Variants in NSD2 observed in about 807,000 individuals in gnomAD.
NSD2 encodes the protein histone-lysine N-methyltransferase NSD2.
NSD2 carries 12 observed loss-of-function variants against 139.0 expected under a neutral mutation model. The observed-to-expected ratio is 0.09, with a 90% CI of 0.06 to 0.14. The LOEUF is 0.14. Ranked by LOEUF, NSD2 falls within the 10% of genes least tolerant of loss-of-function variation. The probability of loss-of-function intolerance (pLI) is 1.00; values close to 1 mark genes in which losing one functional copy is unlikely to be tolerated. For synonymous variants in NSD2, 669 were observed against 648.7 expected, an observed-to-expected ratio of 1.03 and a Z score of -0.48; for missense variants, 1,155 against 1,745.0, an observed-to-expected ratio of 0.66 and a Z score of 6.02.
At chr4:1,947,015 G>GGT (rs760850638) in intron 9 of NSD2, 10 of 1,063,734 alleles carry the variant, frequency 9.4e-6, no homozygotes, top group East Asian at 5.0e-5. Flanking sequence ...AAATGACTGA[G>GGT]GTAGGGGTGG....
At chr4:1,915,595 C>T (rs895942968) in intron 3 of NSD2, among the ~76,000 whole-genome samples, 9 of 152,126 alleles carry the variant, frequency 5.9e-5, no homozygotes, top group Non-Finnish European at 1.0e-4. Flanking sequence ...CTGGATGCTT[C>T]CCTGGGTCCA....
intron 5 of NSD2, among the ~76,000 whole-genome samples, chr4:1,924,759 A>AG (rs1553869003): frequency 6.6e-6 from 1 of 151,602 alleles, no homozygotes; most frequent in Non-Finnish European, 1.5e-5. Context: ...AAAAAAAAAA[A>AG]CAAAACAAAA....
At chr4:1,875,970 C>A (rs1020265091) in intron 1 of NSD2, among the ~76,000 whole-genome samples, 19 of 151,688 alleles carry the variant, frequency 1.3e-4, no homozygotes, top group African/African-American at 4.6e-4. Flanking sequence ...AATCCCAGCA[C>A]TTTGGGAGGC....
chr4:1,944,134 G>A, intron 9 of NSD2: 2 of 1,066,312 alleles, frequency 1.9e-6, no homozygotes, highest in African/African-American at 1.6e-5. Context: ...GTGGGCAGGG[G>A]CAAGTGAACT....
Position 1,981,606 on chromosome 4 carries a change from A to G in NSD2, c.*2697A>G, listed in dbSNP as rs191206771. Reference sequence around the variant, plus strand: ...CACCTGTGGGGGAAACTCTTCAGGCACCTGAAGTGAGAACCCAGCTGTCCG... The same window carrying G: ...CACCTGTGGGGGAAACTCTTCAGGCGCCTGAAGTGAGAACCCAGCTGTCCG... On this transcript the variant is annotated 3_prime_UTR_variant, in exon 22 of 22. Transcript: ENST00000508803. The G allele has an allele frequency of 3.3e-4, 123 of 370,226 alleles. No individual in the cohort carries two copies. Among genetic ancestry groups the G allele is most frequent in the African/African-American group, 2.3e-3 (109 of 48,298 alleles). 22.9% of individuals were successfully genotyped at this position (370,226 alleles called of 1,614,324 possible).
intron 6 of NSD2, among the ~76,000 whole-genome samples, chr4:1,934,365 A>T (rs1208786871): frequency 6.6e-6 from 1 of 150,750 alleles, no homozygotes. Flanking sequence ...GATTACAGGC[A>T]TGAGCCACCA....
At chr4:1,876,173 C>T (rs1714242286) in intron 1 of NSD2, among the ~76,000 whole-genome samples, 3 of 151,864 alleles carry the variant, frequency 2.0e-5, no homozygotes, top group East Asian at 1.9e-4. Context: ...GAGATCGCGC[C>T]ACTGCCCTCC....
In NSD2 at chr4:1,978,563, T is replaced by C. The variant is rs371610028; in HGVS notation, c.3827-75T>C. 13 of 1,536,574 alleles carry C rather than the reference T, an allele frequency of 8.5e-6. No individual in the cohort carries two copies. In the East Asian group the frequency reaches 9.2e-5, roughly 11 times the overall value. On this transcript the variant is annotated intron_variant, in intron 21 of 21. Coordinates refer to ENST00000508803, the MANE Select transcript of NSD2 (RefSeq NM_001042424.3). ...GTTCATTTGACCTGACAGTTGTAAGTCATCTTCAACCACGATAATGTTGAA... is the reference window on the plus strand; with the variant it reads ...GTTCATTTGACCTGACAGTTGTAAGCCATCTTCAACCACGATAATGTTGAA...
chr4:1,981,854 TAGTC>T lies in NSD2; in HGVS notation c.*2949_*2952del, dbSNP rs1360412706. 14 of 398,450 alleles carry T rather than the reference TAGTC, an allele frequency of 3.5e-5. No individual in the cohort carries two copies. Among genetic ancestry groups the T allele is most frequent in the East Asian group, 1.4e-4 (4 of 28,082 alleles). The allele number at this position is 398,450 out of a possible 1,614,324, so 24.7% of individuals were successfully genotyped here. A position where few individuals can be genotyped will look rare whatever the true frequency, so the allele number is the denominator to read the frequency against. ...ATGAGTGTAGTTGATGACTGTTTGTTAGTCAGTAGAGTAAAATGCTGTGTCCACG... is the reference window on the plus strand; with the variant it reads ...ATGAGTGTAGTTGATGACTGTTTGTTAGTAGAGTAAAATGCTGTGTCCACG... On this transcript the variant is annotated 3_prime_UTR_variant, in exon 22 of 22. Coordinates refer to ENST00000508803, the MANE Select transcript of NSD2 (RefSeq NM_001042424.3).
At chr4:1,906,059 C>T (rs992590368) in intron 3 of NSD2, among the ~76,000 whole-genome samples, 3 of 152,154 alleles carry the variant, frequency 2.0e-5, no homozygotes, top group Admixed American at 1.3e-4. Flanking sequence ...ACAGCAAACC[C>T]TGTGACTCCC....
At position 1,918,513 on chromosome 4, in the gene NSD2, G is replaced by C. The variant is rs1560642259; in HGVS notation, c.1300G>C (p.Gly434Arg). 2 of 1,613,994 alleles carry C rather than the reference G, an allele frequency of 1.2e-6. No individual in the cohort carries two copies. Among genetic ancestry groups the C allele is most frequent in the African/African-American group, 1.3e-5 (1 of 75,042 alleles). ...QKTAEADPRR[G>R]VGSPPGRKKT... Reference sequence around the variant, plus strand: ...GACGGCAGAGGCTGACCCCAGAAGAGGAGTAGGGTCTCCTCCTGGGAGGAA... The same window carrying C: ...GACGGCAGAGGCTGACCCCAGAAGACGAGTAGGGTCTCCTCCTGGGAGGAA... Residue 434 changes from glycine to arginine, a missense_variant, in exon 5 of 22, where the codon GGA (glycine) becomes CGA (arginine). Physicochemically the swap from Gly to Arg is moderately radical, Grantham distance 125. This residue lies in a region of NSD2 where 420 missense variants were observed against 469.0 expected (regional missense o/e 0.90). Transcript: ENST00000508803.
chr4:1,922,563 G>A (rs1462176416), intron 5 of NSD2, among the ~76,000 whole-genome samples: 1 of 152,200 alleles, frequency 6.6e-6, no homozygotes, highest in Non-Finnish European at 1.5e-5. Context: ...GGATGCTGCT[G>A]TGGCCACATT....
chr4:1,933,470 A>G (rs1721919852), intron 6 of NSD2, among the ~76,000 whole-genome samples: 1 of 152,156 alleles, frequency 6.6e-6, no homozygotes, highest in Admixed American at 6.5e-5. Flanking sequence ...GCTCACTGCA[A>G]GCTCCGCCTG....
At chr4:1,924,805 T>C (rs1311359346) in intron 5 of NSD2, among the ~76,000 whole-genome samples, 1 of 151,464 alleles carries the variant, frequency 6.6e-6, no homozygotes, top group African/African-American at 2.4e-5. Flanking sequence ...TGCACACTTG[T>C]AGTCTTAGTT....
At chr4:1,885,728 C>T (rs551224218) in intron 1 of NSD2, among the ~76,000 whole-genome samples, 24 of 152,032 alleles carry the variant, frequency 1.6e-4, no homozygotes, top group Non-Finnish European at 3.1e-4. Flanking sequence ...TACCCATGCA[C>T]TGCTCCTCTT....
chr4:1,954,168 A>G (rs1724574661), intron 12 of NSD2, among the ~76,000 whole-genome samples: 1 of 152,066 alleles, frequency 6.6e-6, no homozygotes, highest in Admixed American at 6.5e-5. Context: ...TATTTTTAGT[A>G]GAGACGGGGT....
At chr4:1,872,129 G>C (rs1713828971) in intron 1 of NSD2, among the ~76,000 whole-genome samples, 1 of 150,384 alleles carries the variant, frequency 6.6e-6, no homozygotes, top group African/African-American at 2.4e-5. Context: ...CGCGGCGCCC[G>C]GGCGTTGGTC....
chr4:1,955,070 A>G lies in NSD2; in HGVS notation c.2339-91A>G, dbSNP rs1029036131. The stretch of plus-strand genomic sequence containing the variant: ...TTTCATTTTAGCATTAACTTTTCAA[A>G]TTCATGGAGGCTGAGTAATTATTAG... On this transcript the variant is annotated intron_variant, in intron 12 of 21. Transcript: ENST00000508803. The surrounding 1 kb of genome is among the most constrained non-coding windows in gnomAD (Gnocchi z 4.7). 4.4e-6 allele frequency: 6 copies of G among 1,351,100 alleles called. No individual in the cohort carries two copies. In the Admixed American group the frequency reaches 1.4e-4, roughly 33 times the overall value. 83.7% of individuals were successfully genotyped at this position (1,351,100 alleles called of 1,614,324 possible).
intron 1 of NSD2, among the ~76,000 whole-genome samples, chr4:1,897,313 T>C (rs1716485074): frequency 6.6e-6 from 1 of 151,976 alleles, no homozygotes; most frequent in African/African-American, 2.4e-5. Flanking sequence ...GAGATCCATC[T>C]CTACAAAAAA....
Sources: gnomAD v4.1 joint callset for allele counts (sites outside exome capture counted in the v4.1 genomes callset) on GRCh38, gnomAD v4.1.1 for gene constraint, gnomAD v4.1.1 regional missense constraint, Gnocchi (gnomAD v3.1) non-coding constraint, MANE v1.5 for transcripts, NCBI Gene and HGNC (gene_info 2026-07-23, HGNC 2026-07-21) for gene names.